The following VAT1L variants were observed in gnomAD, a reference collection of about 807,000 sequenced individuals.
VAT1L encodes the protein putative NADPH-dependent quinone oxidoreductase VAT1L.
VAT1L carries 34 observed loss-of-function variants against 44.1 expected under a neutral mutation model. The observed-to-expected ratio is 0.77, with a 90% CI of 0.59 to 1.03. The LOEUF (loss-of-function observed/expected upper bound fraction) is 1.03. VAT1L is among the 50% of genes least tolerant of loss of function. The pLI, the probability that VAT1L is intolerant of heterozygous loss-of-function variation, is 0.00. For synonymous variants in VAT1L, 253 were observed against 202.2 expected, an observed-to-expected ratio of 1.25 and a Z score of -2.13; for missense variants, 615 against 538.8, an observed-to-expected ratio of 1.14 and a Z score of -1.40.
intron 7 of VAT1L, among the ~76,000 whole-genome samples, chr16:77,961,404 T>G (rs921286462): frequency 3.9e-5 from 6 of 152,172 alleles, no homozygotes; most frequent in African/African-American, 1.4e-4. Context: ...CTTGTTCCCT[T>G]ACCTTGCCCT....
rs367834862 is a variant in VAT1L at position 77,978,785 on chromosome 16, C to A, written c.*1090C>A. 2.0e-5 allele frequency: 3 copies of A among 152,268 alleles called. No homozygotes were observed. The highest frequency in any genetic ancestry group is 7.2e-5 in the African/African-American group (3 of 41,524). The allele number at this position is 152,268 out of a possible 1,614,324, so 9.4% of individuals were successfully genotyped here. A position where few individuals can be genotyped will look rare whatever the true frequency, so the allele number is the denominator to read the frequency against. ...GTAGAATCTGCAGCGCCCTGCTCTT[C>A]GGAAACCAAGGAACAAGCCACCTGC... On this transcript the variant is annotated 3_prime_UTR_variant, in exon 9 of 9. Transcript: ENST00000302536.
intron 1 of VAT1L, among the ~76,000 whole-genome samples, chr16:77,814,677 A>T (rs758114611): frequency 1.3e-5 from 2 of 152,240 alleles, no homozygotes; most frequent in Non-Finnish European, 2.9e-5. Flanking sequence ...TAAAATATAC[A>T]TGAAATGAGA....
chr16:77,825,754 C>T (rs559873498), intron 3 of VAT1L, among the ~76,000 whole-genome samples: 134 of 151,890 alleles, frequency 8.8e-4, no homozygotes, highest in African/African-American at 3.1e-3. Flanking sequence ...CCGTGACTCA[C>T]GCCTGTAATC....
intron 7 of VAT1L, among the ~76,000 whole-genome samples, chr16:77,939,537 C>T (rs2017851449): frequency 6.6e-6 from 1 of 152,036 alleles, no homozygotes; most frequent in Non-Finnish European, 1.5e-5. Context: ...TAGAAATAGC[C>T]CCAGAAGAAC....
chr16:77,964,480 C>G (rs1406080354), intron 7 of VAT1L, among the ~76,000 whole-genome samples: 2 of 152,166 alleles, frequency 1.3e-5, no homozygotes, highest in East Asian at 1.9e-4. Context: ...ATCACCTGCT[C>G]TCTGAGCCAA....
chr16:77,874,126 G>A (rs1490417620), intron 4 of VAT1L, among the ~76,000 whole-genome samples: 2 of 152,072 alleles, frequency 1.3e-5, no homozygotes, highest in African/African-American at 4.8e-5. Flanking sequence ...TCAAGGCTGG[G>A]CGGACCCATC....
intron 7 of VAT1L, among the ~76,000 whole-genome samples, chr16:77,898,216 T>G (rs755914452): frequency 6.6e-5 from 10 of 152,166 alleles, no homozygotes; most frequent in Non-Finnish European, 1.2e-4. Context: ...CCCACCCTAC[T>G]TCAGTATAAT....
intron 1 of VAT1L, among the ~76,000 whole-genome samples, chr16:77,792,041 G>T (rs1289285657): frequency 6.6e-6 from 1 of 152,152 alleles, no homozygotes; most frequent in African/African-American, 2.4e-5. Context: ...GCCCCTGGGG[G>T]ATGTGTCTCA....
chr16:77,971,782 C>T lies in VAT1L; in HGVS notation c.1078-68C>T, dbSNP rs956187510. The T allele has an allele frequency of 3.3e-6, 5 of 1,530,746 alleles. No individual in the cohort carries two copies. In the African/African-American group the frequency reaches 5.5e-5, roughly 17 times the overall value. 94.8% of individuals were successfully genotyped at this position (1,530,746 alleles called of 1,614,324 possible). ...TGGTCACTTGACAGTTTGAGTTCTC[C>T]AGGCCCCCTTTTTAACTGGGGAACA... On this transcript the variant is annotated intron_variant, in intron 7 of 8. Coordinates refer to ENST00000302536, the MANE Select transcript of VAT1L (RefSeq NM_020927.3).
chr16:77,897,213 T>A (rs1473421311), intron 7 of VAT1L, among the ~76,000 whole-genome samples: 4 of 152,328 alleles, frequency 2.6e-5, no homozygotes, highest in Non-Finnish European at 4.4e-5. Context: ...CAGATAAACA[T>A]GCTGTGGATA....
chr16:77,829,533 C>G (rs2016557284), intron 3 of VAT1L, among the ~76,000 whole-genome samples: 2 of 152,258 alleles, frequency 1.3e-5, no homozygotes, highest in South Asian at 4.1e-4. Context: ...CCTCCATGCT[C>G]TGTCATATCT....
intron 4 of VAT1L, 121 bp downstream of exon 4, chr16:77,863,011 T>C: frequency 8.0e-7 from 1 of 1,255,826 alleles, no homozygotes; most frequent in South Asian, 1.5e-5. Context: ...GGGGGCTTAG[T>C]ATTATTAGCT....
intron 7 of VAT1L, among the ~76,000 whole-genome samples, chr16:77,955,937 G>A (rs945809901): frequency 2.6e-5 from 4 of 152,178 alleles, no homozygotes; most frequent in Admixed American, 2.6e-4. Context: ...GTTGTATGAA[G>A]CGGGGTCTAA....
chr16:77,956,889 C>G (rs543749322), intron 7 of VAT1L, among the ~76,000 whole-genome samples: 2 of 152,274 alleles, frequency 1.3e-5, no homozygotes, highest in Admixed American at 6.5e-5. Flanking sequence ...CCTAGGAACC[C>G]TAGCATTTGT....
intron 7 of VAT1L, among the ~76,000 whole-genome samples, chr16:77,933,316 A>G (rs529098514): frequency 6.6e-6 from 1 of 152,322 alleles, no homozygotes; most frequent in East Asian, 1.9e-4. Flanking sequence ...GCCAGACTCA[A>G]ACCCATATCT....
intron 7 of VAT1L, among the ~76,000 whole-genome samples, chr16:77,896,880 T>G (rs1441285046): frequency 1.3e-5 from 2 of 152,208 alleles, no homozygotes; most frequent in Non-Finnish European, 2.9e-5. Context: ...AAACTGGATT[T>G]CCTTGTGAGC....
intron 3 of VAT1L, among the ~76,000 whole-genome samples, chr16:77,830,075 T>C (rs1037427001): frequency 6.6e-6 from 1 of 152,076 alleles, no homozygotes; most frequent in African/African-American, 2.4e-5. Context: ...TGCGCCTCTA[T>C]TCTGTGCCTT....
Position 77,977,996 on chromosome 16 carries a change from C to T in VAT1L, c.*301C>T, listed in dbSNP as rs545907783. 2 of 296,162 alleles carry T rather than the reference C, an allele frequency of 6.8e-6. No individual in the cohort carries two copies. The highest frequency in any genetic ancestry group is 7.7e-5 in the East Asian group (1 of 12,958). 18.3% of individuals were successfully genotyped at this position (296,162 alleles called of 1,614,324 possible). ...AACAGCCTTGCAAATTAATACAAGT[C>T]CCAGGCCCAATGCCTAAGAGACCAG... On this transcript the variant is annotated 3_prime_UTR_variant, in exon 9 of 9. Coordinates refer to ENST00000302536, the MANE Select transcript of VAT1L (RefSeq NM_020927.3).
At chr16:77,868,526 T>G (rs547469448) in intron 4 of VAT1L, among the ~76,000 whole-genome samples, 1 of 152,208 alleles carries the variant, frequency 6.6e-6, no homozygotes, top group Non-Finnish European at 1.5e-5. Context: ...AATACTGTGC[T>G]TATTTTTCAG....
Sources: gnomAD v4.1 joint callset for allele counts (sites outside exome capture counted in the v4.1 genomes callset) on GRCh38, gnomAD v4.1.1 for gene constraint, MANE v1.5 for transcripts, NCBI Gene and HGNC (gene_info 2026-07-23, HGNC 2026-07-21) for gene names.